Variants in ALDH4A1 observed in about 807,000 individuals in gnomAD.
ALDH4A1 encodes delta-1-pyrroline-5-carboxylate dehydrogenase, mitochondrial.
ALDH4A1 carries 46 observed loss-of-function variants against 70.5 expected under a neutral mutation model. The ratio of observed to expected loss-of-function variants is 0.65; its 90% CI spans 0.51 to 0.83. ALDH4A1 has a LOEUF of 0.83. ALDH4A1 is among the 40% of genes least tolerant of loss of function. ALDH4A1 has a pLI of 0.00. For synonymous variants in ALDH4A1, 323 were observed against 324.3 expected, an observed-to-expected ratio of 1.00 and a Z score of 0.04; for missense variants, 749 against 766.5, an observed-to-expected ratio of 0.98 and a Z score of 0.27.
rs1034518189 is a variant in ALDH4A1 at position 18,877,080 on chromosome 1, G to C, written c.1185+128C>G. ...AGCTGGAGGTGCGTGTGTGGCTGCTGAGCTGCCTTGATCAAAGCAGTGGGG... is the reference window on the plus strand; with the variant it reads ...AGCTGGAGGTGCGTGTGTGGCTGCTCAGCTGCCTTGATCAAAGCAGTGGGG... On this transcript the variant is annotated intron_variant, in intron 11 of 14. Coordinates refer to ENST00000375341, the MANE Select transcript of ALDH4A1 (RefSeq NM_003748.4). The C allele has an allele frequency of 5.0e-6, 6 of 1,204,768 alleles. No individual in the cohort carries two copies. The African/African-American group carries it at 7.6e-5, about 15-fold the overall frequency. The allele number at this position is 1,204,768 out of a possible 1,614,324, so 74.6% of individuals were successfully genotyped here.
chr1:18,895,226 G>A (rs1935577476), intron 1 of ALDH4A1, among the ~76,000 whole-genome samples: 1 of 152,164 alleles, frequency 6.6e-6, no homozygotes, highest in Non-Finnish European at 1.5e-5. Context: ...CTTAGGGAAG[G>A]CGGCACAAGA....
In ALDH4A1 at chr1:18,885,791, G is replaced by A. The variant is rs188190149; in HGVS notation, c.298-163C>T. ...TGCCACCATAGCTGCCAACAACAGC[G>A]TCCCATCAGAGCCTGTAGTGGCTGC... On this transcript the variant is annotated intron_variant, in intron 4 of 14. Transcript: ENST00000375341. 4.8e-4 allele frequency among the ~76,000 whole-genome samples: 73 copies of A among 152,252 alleles called. No homozygotes were observed. In the East Asian group the frequency reaches 0.013, roughly 27 times the overall value.
At chr1:18,876,865 G>A (rs1349961438) in intron 11 of ALDH4A1, among the ~76,000 whole-genome samples, 1 of 152,182 alleles carries the variant, frequency 6.6e-6, no homozygotes, top group Non-Finnish European at 1.5e-5. Flanking sequence ...GTGCTTATGT[G>A]CAAATGGATA....
At chr1:18,877,358 G>A (rs1178009166) in intron 10 of ALDH4A1, 58 bp downstream of exon 10, 1 of 1,553,608 alleles carries the variant, frequency 6.4e-7, no homozygotes, top group East Asian at 2.4e-5. Flanking sequence ...GAGCCTCCCA[G>A]GGACCCAATC....
rs78716144 is a variant in ALDH4A1, at chr1:18,881,412, A to G, written c.866+288T>C. On this transcript the variant is annotated intron_variant, in intron 8 of 14. Transcript: ENST00000375341. ...AGTAGCAGAGGTAGCACTGAAATCA[A>G]TATTACCCACAGCTGTAGGGTGCAC... Among the ~76,000 whole-genome samples, 777 of 152,234 alleles carry G rather than the reference A, an allele frequency of 5.1e-3. 8 individuals are homozygous for G. Among genetic ancestry groups the G allele is most frequent in the East Asian group, 0.039 (200 of 5,182 alleles).
At chr1:18,892,360 C>T (rs906250194) in intron 1 of ALDH4A1, among the ~76,000 whole-genome samples, 2 of 152,158 alleles carry the variant, frequency 1.3e-5, no homozygotes, top group Non-Finnish European at 2.9e-5. Context: ...CCCCTGGCTG[C>T]ACACAGGTGA....
At chr1:18,876,251 G>C in intron 12 of ALDH4A1, 64 bp downstream of exon 12, 1 of 1,582,766 alleles carries the variant, frequency 6.3e-7, no homozygotes, top group Non-Finnish European at 8.6e-7. Flanking sequence ...CAGGAGAACT[G>C]TGTGTGTGCT....
chr1:18,875,245 C>T, intron 13 of ALDH4A1, 137 bp downstream of exon 13: 1 of 1,429,628 alleles, frequency 7.0e-7, no homozygotes, highest in Non-Finnish European at 9.7e-7. Flanking sequence ...GCCCTGGCTG[C>T]CTGTCTGGGC....
chr1:18,874,606 G>C (rs972418738), intron 13 of ALDH4A1, 25 bp from the exon 14 acceptor site: 23 of 1,610,916 alleles, frequency 1.4e-5, no homozygotes, highest in East Asian at 2.2e-5. Flanking sequence ...AGTGGTGACA[G>C]AGCAACCAGC....
rs1426664261 is a variant in ALDH4A1 at position 18,872,715 on chromosome 1, G to A, written c.*130C>T. On this transcript the variant is annotated 3_prime_UTR_variant, in exon 15 of 15. Coordinates refer to ENST00000375341, the MANE Select transcript of ALDH4A1 (RefSeq NM_003748.4). ...AGAGGCCAGAATACAGTGGTAAGAA[G>A]GGAGTCAAGCCCGGATTATAGAAAG... 1.4e-6 allele frequency: 1 copy of A among 718,030 alleles called. No homozygotes were observed. Among genetic ancestry groups the A allele is most frequent in the Non-Finnish European group, 2.4e-6 (1 of 413,478 alleles). The allele number at this position is 718,030 out of a possible 1,614,324, so 44.5% of individuals were successfully genotyped here. A position where few individuals can be genotyped will look rare whatever the true frequency, so the allele number is the denominator to read the frequency against.
At chr1:18,879,279 A>G (rs760849226) in intron 9 of ALDH4A1, 21 bp downstream of exon 9, 2 of 1,596,382 alleles carry the variant, frequency 1.3e-6, no homozygotes, top group South Asian at 2.3e-5. Flanking sequence ...ACACGGGAGG[A>G]GGAGGTGAGG....
At chr1:18,887,912 C>T (rs1351805813) in intron 3 of ALDH4A1, among the ~76,000 whole-genome samples, 1 of 152,234 alleles carries the variant, frequency 6.6e-6, no homozygotes, top group East Asian at 1.9e-4. Flanking sequence ...CCCTTCAAAA[C>T]CTAATGCCCG....
chr1:18,889,547 A>C, intron 2 of ALDH4A1, 93 bp from the exon 3 acceptor site: 1 of 1,168,218 alleles, frequency 8.6e-7, no homozygotes, highest in Non-Finnish European at 1.2e-6. Flanking sequence ...GGAGGTGCCC[A>C]GGCAATACAG....
intron 7 of ALDH4A1, 112 bp downstream of exon 7, chr1:18,883,012 G>A: frequency 7.0e-7 from 1 of 1,419,144 alleles, no homozygotes; most frequent in Non-Finnish European, 9.9e-7. Context: ...CACCTTCTGT[G>A]CCTCTCCCCA....
intron 7 of ALDH4A1, chr1:18,882,690 T>G: frequency 1.8e-6 from 1 of 552,370 alleles, no homozygotes; most frequent in Non-Finnish European, 3.7e-6. Flanking sequence ...GAGGATGAAA[T>G]GAGATCATCT....
At chr1:18,893,037 A>G (rs1265579481) in intron 1 of ALDH4A1, among the ~76,000 whole-genome samples, 1 of 152,136 alleles carries the variant, frequency 6.6e-6, no homozygotes, top group Non-Finnish European at 1.5e-5. Context: ...CCTCAACAGC[A>G]CCACACCCAC....
At chr1:18,879,005 G>A (rs1406846906) in intron 9 of ALDH4A1, among the ~76,000 whole-genome samples, 1 of 152,214 alleles carries the variant, frequency 6.6e-6, no homozygotes, top group Admixed American at 6.5e-5. Context: ...GCCACGACTG[G>A]CTACTAAGAT....
intron 9 of ALDH4A1, among the ~76,000 whole-genome samples, chr1:18,878,483 C>T (rs1243016588): frequency 6.6e-6 from 1 of 152,160 alleles, no homozygotes; most frequent in Non-Finnish European, 1.5e-5. Context: ...CAGTGGGCCC[C>T]AATTCACGCC....
At position 18,877,432 on chromosome 1, in the gene ALDH4A1, C is replaced by A. The variant is rs867081902; in HGVS notation, c.1121G>T (p.Arg374Leu). 3 of 1,579,830 alleles carry A rather than the reference C, an allele frequency of 1.9e-6. No homozygotes were observed. Among genetic ancestry groups the A allele is most frequent in the South Asian group, 1.1e-5 (1 of 87,068 alleles). The change falls in exon 10 of 15, where the codon CGG becomes CTG. Residue 374 changes from arginine (R) to leucine (L), a missense_variant. Transcript: ENST00000375341. ...IKGRLLEEHSRIKVGDPAEDF... is the reference protein window; with the variant it reads ...IKGRLLEEHSLIKVGDPAEDF... ...GCCACTCACGTCGCCCACTTTGATC[C>A]GACTGTGCTCCTCCAGCAGCCGCCC...
Sources: gnomAD v4.1 joint callset for allele counts (sites outside exome capture counted in the v4.1 genomes callset) on GRCh38, gnomAD v4.1.1 for gene constraint, MANE v1.5 for transcripts, NCBI Gene and HGNC (gene_info 2026-07-23, HGNC 2026-07-21) for gene names.